Variants in C10orf90 observed in about 807,000 individuals in gnomAD.
The protein encoded by C10orf90 is chromosome 10 open reading frame 90, also known as (E2-independent) E3 ubiquitin-conjugating enzyme FATS.
Under a neutral mutation model 62.5 loss-of-function variants are expected in C10orf90, and 56 were observed. That is an observed-to-expected ratio of 0.90 (90% CI 0.72 to 1.12). C10orf90 has a LOEUF of 1.12. Ranked by LOEUF, C10orf90 falls within the 50% of genes most tolerant of loss-of-function variation. The pLI is 0.00. For synonymous variants in C10orf90, 386 were observed against 340.4 expected (o/e 1.13, Z -1.47); for missense variants, 970 against 880.4 (o/e 1.10, Z -1.29).
intron 2 of C10orf90, among the ~76,000 whole-genome samples, chr10:126,636,842 T>G (rs1200383785): frequency 6.6e-6 from 1 of 152,178 alleles, no homozygotes; most frequent in Admixed American, 6.5e-5. Context: ...CTCCATGCCT[T>G]ATTAACAATA....
chr10:126,506,950 G>A (rs189596692), intron 3 of C10orf90, among the ~76,000 whole-genome samples: 6 of 152,228 alleles, frequency 3.9e-5, no homozygotes, highest in Admixed American at 1.3e-4. Flanking sequence ...GTGTGCGTGC[G>A]TGTGTGATCT....
chr10:126,580,125 A>G (rs1436695841), intron 2 of C10orf90, among the ~76,000 whole-genome samples: 3 of 152,110 alleles, frequency 2.0e-5, no homozygotes, highest in Non-Finnish European at 2.9e-5. Context: ...CAGCGTCCAG[A>G]GCTGATCTAA....
intron 2 of C10orf90, among the ~76,000 whole-genome samples, chr10:126,550,963 G>C (rs1163012279): frequency 1.3e-5 from 2 of 152,196 alleles, no homozygotes; most frequent in Non-Finnish European, 2.9e-5. Flanking sequence ...GGATAACAGG[G>C]TGAGGACAGA....
Position 126,504,677 on chromosome 10 carries a change from G to A in C10orf90, c.814C>T (p.Gln272Ter). The A allele has an allele frequency of 6.2e-7, 1 of 1,614,078 alleles. No individual in the cohort carries two copies. Among genetic ancestry groups the A allele is most frequent in the Non-Finnish European group, 8.5e-7 (1 of 1,179,980 alleles). ...PKCRAEDTLF[Q>*]APPALANGAH... ...CCATTGGCCAGAGCCGGGGGCGCCTGGAACAGTGTGTCCTCAGCCCTGCAC... is the reference window on the plus strand; with the variant it reads ...CCATTGGCCAGAGCCGGGGGCGCCTAGAACAGTGTGTCCTCAGCCCTGCAC... Residue 272 changes from glutamine (Q) to a stop codon, truncating the protein, a stop_gained, in exon 4 of 10, where the codon CAG (glutamine) becomes TAG (stop). Coordinates refer to ENST00000488181, the MANE Select transcript of C10orf90 (RefSeq NM_001350921.2). LOFTEE classifies it high-confidence loss of function. The surrounding 1 kb of genome is among the most constrained non-coding windows in gnomAD (Gnocchi z 4.1).
chr10:126,462,149 C>T (rs1424171457), intron 5 of C10orf90, among the ~76,000 whole-genome samples: 1 of 152,110 alleles, frequency 6.6e-6, no homozygotes, highest in Non-Finnish European at 1.5e-5. Context: ...ATGAATGGAT[C>T]CAACAGCATC....
At chr10:126,582,871 A>G (rs1300203052) in intron 2 of C10orf90, among the ~76,000 whole-genome samples, 1 of 152,222 alleles carries the variant, frequency 6.6e-6, no homozygotes. Context: ...CACCACTCTT[A>G]GGAAGAAGCG....
At chr10:126,664,668 T>C (rs982449921) in intron 1 of C10orf90, among the ~76,000 whole-genome samples, 6 of 152,292 alleles carry the variant, frequency 3.9e-5, no homozygotes, top group Middle Eastern at 3.4e-3. Flanking sequence ...GGTGGAAATT[T>C]ACCAAAATGA....
intron 2 of C10orf90, among the ~76,000 whole-genome samples, chr10:126,552,994 C>A (rs1864672675): frequency 6.6e-6 from 1 of 152,164 alleles, no homozygotes. Flanking sequence ...AACCCTGCTT[C>A]CCATCATAAA....
chr10:126,497,041 C>T (rs181159912), intron 4 of C10orf90, among the ~76,000 whole-genome samples: 55 of 152,336 alleles, frequency 3.6e-4, no homozygotes, highest in African/African-American at 8.7e-4. Context: ...GTGTCACCAT[C>T]GCAGAACCAG....
chr10:126,552,670 G>A (rs9787689), intron 2 of C10orf90, among the ~76,000 whole-genome samples: 61,858 of 152,172 alleles, frequency 0.41, 12,851 homozygotes, highest in Non-Finnish European at 0.44. Flanking sequence ...GCTTTGCCAC[G>A]TGATTTACCC....
At chr10:126,465,392 TAAC>T (rs1590954442) in intron 4 of C10orf90, among the ~76,000 whole-genome samples, 1 of 151,412 alleles carries the variant, frequency 6.6e-6, no homozygotes, top group African/African-American at 2.4e-5. Context: ...TTTATTTCTA[TAAC>T]AAATTATATC....
chr10:126,584,311 C>T (rs763290411), intron 2 of C10orf90, among the ~76,000 whole-genome samples: 1 of 151,528 alleles, frequency 6.6e-6, no homozygotes, highest in Non-Finnish European at 1.5e-5. Context: ...TCCACCTGCT[C>T]GTCCATCTGC....
At chr10:126,628,685 G>A (rs1161415021) in intron 2 of C10orf90, among the ~76,000 whole-genome samples, 1 of 152,196 alleles carries the variant, frequency 6.6e-6, no homozygotes, top group Non-Finnish European at 1.5e-5. Context: ...TTTGCAGAGT[G>A]GACAGTTCTG....
chr10:126,517,523 C>A (rs1276964049), intron 2 of C10orf90, among the ~76,000 whole-genome samples: 3 of 152,158 alleles, frequency 2.0e-5, no homozygotes, highest in Non-Finnish European at 4.4e-5. Flanking sequence ...CTGCCCCATA[C>A]CCCAGCTATT....
intron 3 of C10orf90, among the ~76,000 whole-genome samples, chr10:126,506,399 A>G (rs1347049888): frequency 6.6e-6 from 1 of 152,238 alleles, no homozygotes; most frequent in African/African-American, 2.4e-5. Flanking sequence ...CTTACAATGA[A>G]TCCTTGCATA....
chr10:126,576,525 A>G lies in C10orf90; in HGVS notation c.314-62586T>C, dbSNP rs534188756. Among the ~76,000 whole-genome samples, 4 of 151,718 alleles carry G rather than the reference A, an allele frequency of 2.6e-5. No homozygotes were observed. The South Asian group carries it at 8.3e-4, about 32-fold the overall frequency. ...GAGCAATATGGAGGTTCCTCAGAAA[A>G]CTACAAATAGAACTACTCTATGATT... is the stretch of plus-strand genomic sequence containing the variant. On this transcript the variant is annotated intron_variant, in intron 2 of 9. Transcript: ENST00000488181.
intron 2 of C10orf90, among the ~76,000 whole-genome samples, chr10:126,593,700 G>A (rs61875989): frequency 6.6e-6 from 1 of 151,696 alleles, no homozygotes; most frequent in Admixed American, 6.6e-5. Flanking sequence ...CAAAGTTGCA[G>A]GAAAAAAAAT....
chr10:126,483,486 G>A (rs998259911), intron 4 of C10orf90, among the ~76,000 whole-genome samples: 1 of 152,186 alleles, frequency 6.6e-6, no homozygotes, highest in Non-Finnish European at 1.5e-5. Context: ...CTATACTCAG[G>A]AGAAAAGCAG....
At chr10:126,611,398 A>G (rs1845430428) in intron 2 of C10orf90, among the ~76,000 whole-genome samples, 1 of 152,196 alleles carries the variant, frequency 6.6e-6, no homozygotes, top group Non-Finnish European at 1.5e-5. Context: ...TCCGTTTATC[A>G]GTTGATGGAC....
Sources: allele counts gnomAD v4.1 joint callset (sites outside exome capture counted in the v4.1 genomes callset), GRCh38; gene constraint gnomAD v4.1.1; non-coding constraint Gnocchi (gnomAD v3.1); transcripts MANE v1.5; gene names NCBI Gene and HGNC (gene_info 2026-07-23, HGNC 2026-07-21).